Variants in AACS observed in about 807,000 individuals in gnomAD.
The protein encoded by AACS is acetoacetate-CoA ligase.
AACS carries 69 observed loss-of-function variants against 83.1 expected under a neutral mutation model. The ratio of observed to expected loss-of-function variants is 0.83; its 90% CI spans 0.68 to 1.01. The LOEUF (loss-of-function observed/expected upper bound fraction) is 1.01, where lower values mean the gene tolerates loss of function less well. Ranked by LOEUF, AACS falls within the 50% of genes least tolerant of loss-of-function variation. The probability of loss-of-function intolerance (pLI) is 0.00; values close to 1 mark genes in which losing one functional copy is unlikely to be tolerated. For missense variants in AACS, 866 were observed against 882.2 expected (o/e 0.98, Z 0.23); for synonymous variants, 333 against 343.4 (o/e 0.97, Z 0.33).
chr12:125,118,539 C>T, intron 9 of AACS, 102 bp from the exon 10 acceptor site: 1 of 1,503,284 alleles, frequency 6.7e-7, no homozygotes, highest in Non-Finnish European at 9.0e-7. Context: ...CAACCTGTGG[C>T]TCCATCTTAG....
rs1472185765 is a variant in AACS at position 125,065,512 on chromosome 12, G to C, written c.-73G>C. Reference sequence around the variant, plus strand: ...TGACCGTCGCTTCCTCCGGTCCCAGGTCCCCGGCCCTCGCCTCAGCCCCGG... The same window carrying C: ...TGACCGTCGCTTCCTCCGGTCCCAGCTCCCCGGCCCTCGCCTCAGCCCCGG... On this transcript the variant is annotated 5_prime_UTR_variant, in exon 1 of 18. Coordinates refer to ENST00000316519, the MANE Select transcript of AACS (RefSeq NM_023928.5). The C allele has an allele frequency of 7.3e-7, 1 of 1,365,360 alleles. No individual in the cohort carries two copies. The highest frequency in any genetic ancestry group is 1.8e-5 in the South Asian group (1 of 56,108). 84.6% of individuals were successfully genotyped at this position (1,365,360 alleles called of 1,614,324 possible).
chr12:125,100,432 T>C (rs1183487280), intron 5 of AACS, among the ~76,000 whole-genome samples: 1 of 152,274 alleles, frequency 6.6e-6, no homozygotes, highest in African/African-American at 2.4e-5. Context: ...TTGCAATTGT[T>C]TTCCTGTTGT....
chr12:125,137,602 A>T (rs1957418976), intron 17 of AACS, among the ~76,000 whole-genome samples: 1 of 152,200 alleles, frequency 6.6e-6, no homozygotes, highest in Admixed American at 6.5e-5. Context: ...CTGTGTCGTC[A>T]TCCCCCAGCC....
intron 1 of AACS, among the ~76,000 whole-genome samples, chr12:125,072,823 A>G (rs772389474): frequency 6.6e-6 from 1 of 151,770 alleles, no homozygotes; most frequent in Non-Finnish European, 1.5e-5. Flanking sequence ...TATTTTGAGT[A>G]TAACTGAGTG....
In AACS at chr12:125,065,610, G is replaced by A; in HGVS notation, c.26G>A (p.Arg9Gln). Residue 9 changes from arginine (R) to glutamine (Q), a missense_variant, in exon 1 of 18, where the codon CGG becomes CAG. Arg to Gln is a conservative substitution (Grantham distance 43). Coordinates refer to ENST00000316519, the MANE Select transcript of AACS (RefSeq NM_023928.5). Reference sequence around the variant, plus strand: ...ATGTCCAAGGAGGAGCGCCCCGGTCGGGAGGAGATCCTGGAGTGCCAGGTG... The same window carrying A: ...ATGTCCAAGGAGGAGCGCCCCGGTCAGGAGGAGATCCTGGAGTGCCAGGTG... MSKEERPGREEILECQVMW... is the reference protein window; with the variant it reads MSKEERPGQEEILECQVMW... 1.3e-6 allele frequency: 2 copies of A among 1,534,616 alleles called. No homozygotes were observed. The highest frequency in any genetic ancestry group is 1.8e-4 in the Middle Eastern group (1 of 5,610).
Position 125,140,640 on chromosome 12 carries a change from A to T in AACS, c.1882-1452A>T, listed in dbSNP as rs1204390511. On this transcript the variant is annotated intron_variant, in intron 17 of 17. Transcript: ENST00000316519. The surrounding 1 kb of genome is among the most constrained non-coding windows in gnomAD (Gnocchi z 5.1). Reference sequence around the variant, plus strand: ...AAAAAAAAGGCGCCAGTGATCGAGGACTCGTCACTGGGCTCTGTTGCTCCT... The same window carrying T: ...AAAAAAAAGGCGCCAGTGATCGAGGTCTCGTCACTGGGCTCTGTTGCTCCT... 1.3e-5 allele frequency: 2 copies of T among 151,068 alleles called. No homozygotes were observed. The highest frequency in any genetic ancestry group is 2.9e-5 in the Non-Finnish European group (2 of 67,856). 9.4% of individuals were successfully genotyped at this position (151,068 alleles called of 1,614,324 possible). A position where few individuals can be genotyped will look rare whatever the true frequency, so the allele number is the denominator to read the frequency against.
chr12:125,079,045 G>A (rs984330599), intron 3 of AACS, among the ~76,000 whole-genome samples: 6 of 152,108 alleles, frequency 3.9e-5, no homozygotes, highest in African/African-American at 9.7e-5. Flanking sequence ...AGGAGTCTAC[G>A]GAACTTGATG....
At chr12:125,093,836 G>C (rs989273010) in intron 5 of AACS, among the ~76,000 whole-genome samples, 1 of 152,200 alleles carries the variant, frequency 6.6e-6, no homozygotes, top group Non-Finnish European at 1.5e-5. Flanking sequence ...CACGTTACTC[G>C]CACTCGAACT....
rs531171522 is a variant in AACS, at chr12:125,129,776, G to A, written c.1549+316G>A. 6.6e-6 allele frequency among the ~76,000 whole-genome samples: 1 copy of A among 152,298 alleles called. No individual in the cohort carries two copies. The highest frequency in any genetic ancestry group is 1.9e-4 in the East Asian group (1 of 5,184). ...CTGGTTTGCATGTGGGAGGGTGGAG[G>A]GTGTGGGGCTGAAACAGGGTGATGC... On this transcript the variant is annotated intron_variant, in intron 14 of 17. Coordinates refer to ENST00000316519, the MANE Select transcript of AACS (RefSeq NM_023928.5). The surrounding 1 kb of genome is among the most constrained non-coding windows in gnomAD (Gnocchi z 4.3).
At chr12:125,100,519 C>T (rs1395308495) in intron 5 of AACS, among the ~76,000 whole-genome samples, 1 of 152,254 alleles carries the variant, frequency 6.6e-6, no homozygotes, top group Non-Finnish European at 1.5e-5. Context: ...TGGCACCTAG[C>T]ACATGGAATA....
chr12:125,128,135 G>T, intron 12 of AACS, 26 bp from the exon 13 acceptor site: 1 of 1,562,710 alleles, frequency 6.4e-7, no homozygotes, highest in South Asian at 1.2e-5. Context: ...TCTAAATTTT[G>T]AGTCTCCCTT....
chr12:125,114,553 C>A lies in AACS; in HGVS notation c.992C>A (p.Thr331Asn). The A allele has an allele frequency of 1.9e-6, 3 of 1,611,562 alleles. No individual in the cohort carries two copies. Among genetic ancestry groups the A allele is most frequent in the Non-Finnish European group, 2.5e-6 (3 of 1,178,784 alleles). ...AGCAGTGACATCCTCCTGTGCTACA[C>A]CACGGTAAGGGCTTCCCCAGGTGCT... Reference protein sequence around the residue: ...MTSSDILLCYTTVGWMMWNWM... With the variant: ...MTSSDILLCYNTVGWMMWNWM... Residue 331 changes from threonine (T) to asparagine (N), a missense_variant, in exon 9 of 18, where the codon ACC (threonine) becomes AAC (asparagine). Thr to Asn is a moderately conservative substitution (Grantham distance 65, BLOSUM62 0). Coordinates refer to ENST00000316519, the MANE Select transcript of AACS (RefSeq NM_023928.5).
intron 17 of AACS, among the ~76,000 whole-genome samples, chr12:125,137,142 C>T (rs1201165359): frequency 6.6e-6 from 1 of 152,194 alleles, no homozygotes; most frequent in Admixed American, 6.5e-5. Context: ...AGTGTATTCT[C>T]AAAATTTTTA....
chr12:125,128,004 TC>T, intron 12 of AACS, 156 bp from the exon 13 acceptor site: 1 of 506,018 alleles, frequency 2.0e-6, no homozygotes, highest in South Asian at 3.6e-5. Context: ...CTCCCACTGC[TC>T]CCTGAAGAGA....
At chr12:125,107,493 G>A (rs2136101109) in intron 8 of AACS, among the ~76,000 whole-genome samples, 1 of 152,356 alleles carries the variant, frequency 6.6e-6, no homozygotes, top group East Asian at 1.9e-4. Context: ...TAACACCATG[G>A]CGATAGGCTT....
chr12:125,076,045 G>C (rs1956012296), intron 2 of AACS, among the ~76,000 whole-genome samples: 1 of 152,156 alleles, frequency 6.6e-6, no homozygotes, highest in Non-Finnish European at 1.5e-5. Flanking sequence ...TTGATCTTTT[G>C]GGACTTTGAC....
At chr12:125,112,689 A>AAAAAAAAAAAG (rs1363645484) in intron 8 of AACS, among the ~76,000 whole-genome samples, 1 of 151,710 alleles carries the variant, frequency 6.6e-6, no homozygotes, top group African/African-American at 2.4e-5. Flanking sequence ...AAAAAAAAAA[A>AAAAAAAAAAAG]AAGACATACT....
chr12:125,109,921 T>A (rs1024406347), intron 8 of AACS, among the ~76,000 whole-genome samples: 1 of 152,186 alleles, frequency 6.6e-6, no homozygotes, highest in Non-Finnish European at 1.5e-5. Flanking sequence ...GGTGTTCTTC[T>A]CCGTGCATCT....
chr12:125,103,553 G>A (rs998481596), intron 7 of AACS, among the ~76,000 whole-genome samples: 2 of 152,182 alleles, frequency 1.3e-5, no homozygotes, highest in African/African-American at 2.4e-5. Flanking sequence ...GTATGGCTAT[G>A]CATACATAAA....
Sources: gnomAD v4.1 joint callset for allele counts (sites outside exome capture counted in the v4.1 genomes callset) on GRCh38, gnomAD v4.1.1 for gene constraint, Gnocchi (gnomAD v3.1) non-coding constraint, MANE v1.5 for transcripts, NCBI Gene and HGNC (gene_info 2026-07-23, HGNC 2026-07-21) for gene names.